Variants in ACTN1 observed in about 807,000 individuals in gnomAD.
ACTN1 encodes the protein actinin alpha 1.
Under a neutral mutation model 119.6 loss-of-function variants are expected in ACTN1, and 30 were observed. That is an observed-to-expected ratio of 0.25 (90% CI 0.19 to 0.34). The LOEUF is 0.34. Among genes scored for constraint, ACTN1 ranks in the 10% least tolerant of loss-of-function variants. The probability of loss-of-function intolerance (pLI) is 1.00; values close to 1 mark genes in which losing one functional copy is unlikely to be tolerated. For missense variants in ACTN1, 764 were observed against 1,223.4 expected (o/e 0.62, Z 5.60); for synonymous variants, 429 against 472.6 (o/e 0.91, Z 1.20).
chr14:68,975,320 C>T (rs2037025473), intron 1 of ACTN1, among the ~76,000 whole-genome samples: 2 of 152,342 alleles, frequency 1.3e-5, no homozygotes, highest in East Asian at 3.9e-4. Flanking sequence ...TGTGGAAACA[C>T]ACATTAAACC....
At chr14:68,896,709 C>T (rs1336439347) in intron 8 of ACTN1, among the ~76,000 whole-genome samples, 1 of 152,118 alleles carries the variant, frequency 6.6e-6, no homozygotes, top group Admixed American at 6.5e-5. Context: ...AGAAGAGAAC[C>T]CCGGGAGAGA....
rs1466438576 is a variant in ACTN1, at chr14:68,874,398, T to C, written c.*461A>G. 1 of 153,446 alleles carries C rather than the reference T, an allele frequency of 6.5e-6. No individual in the cohort carries two copies. The highest frequency in any genetic ancestry group is 1.5e-5 in the Non-Finnish European group (1 of 68,728). 9.5% of individuals were successfully genotyped at this position (153,446 alleles called of 1,614,324 possible). A position where few individuals can be genotyped will look rare whatever the true frequency, so the allele number is the denominator to read the frequency against. On this transcript the variant is annotated 3_prime_UTR_variant, in exon 22 of 22. Coordinates refer to ENST00000394419, the MANE Select transcript of ACTN1 (RefSeq NM_001130004.2). ...GCAAACACACATGCACCAATGTGCC[T>C]TTTGACAAGAGTACCCCCTACCCCG...
rs2032690090 is a variant in ACTN1 at position 68,893,830 on chromosome 14, T to C, written c.763-83A>G. 3.0e-6 allele frequency: 4 copies of C among 1,332,744 alleles called. No homozygotes were observed. In the Admixed American group the frequency reaches 7.2e-5, roughly 24 times the overall value. The allele number at this position is 1,332,744 out of a possible 1,614,324, so 82.6% of individuals were successfully genotyped here. On this transcript the variant is annotated intron_variant, in intron 8 of 21. Transcript: ENST00000394419. ...TACACACCTGTGCTGACAAAGCCCCTCCCATCCCTGCAGCTCCCTGTGGTT... is the reference window on the plus strand; with the variant it reads ...TACACACCTGTGCTGACAAAGCCCCCCCCATCCCTGCAGCTCCCTGTGGTT...
chr14:68,901,766 CCT>C (rs559166788), intron 8 of ACTN1, among the ~76,000 whole-genome samples: 17 of 152,290 alleles, frequency 1.1e-4, no homozygotes, highest in Non-Finnish European at 2.2e-4. Context: ...TCGTGGAACC[CCT>C]GTGTGGTGCA....
intron 11 of ACTN1, among the ~76,000 whole-genome samples, chr14:68,889,692 G>A (rs2032321715): frequency 6.6e-6 from 1 of 152,204 alleles, no homozygotes; most frequent in Admixed American, 6.5e-5. Context: ...GCTAGGGCAG[G>A]AGAATCACTT....
chr14:68,935,625 A>G (rs2035466219), intron 1 of ACTN1, among the ~76,000 whole-genome samples: 1 of 151,438 alleles, frequency 6.6e-6, no homozygotes, highest in Non-Finnish European at 1.5e-5. Flanking sequence ...ACCTCAAGCG[A>G]TCTGTCCACC....
intron 10 of ACTN1, 53 bp from the exon 11 acceptor site, chr14:68,890,339 G>A: frequency 1.2e-6 from 2 of 1,601,698 alleles, no homozygotes; most frequent in South Asian, 1.1e-5. Context: ...TAGGCTTCAG[G>A]TCCCCTAGCC....
chr14:68,929,194 C>T (rs1032148254), intron 1 of ACTN1, among the ~76,000 whole-genome samples: 3 of 152,050 alleles, frequency 2.0e-5, no homozygotes, highest in African/African-American at 4.8e-5. Context: ...GACAGCTGAA[C>T]GCACACCATA....
intron 1 of ACTN1, among the ~76,000 whole-genome samples, chr14:68,965,167 G>A (rs1472564569): frequency 6.6e-6 from 1 of 152,194 alleles, no homozygotes; most frequent in Non-Finnish European, 1.5e-5. Context: ...ATGAACTCAT[G>A]GCAGACTGTC....
Position 68,969,591 on chromosome 14 carries a change from A to C in ACTN1, c.105+9361T>G, listed in dbSNP as rs532859032. 6.6e-5 allele frequency among the ~76,000 whole-genome samples: 10 copies of C among 152,360 alleles called. No homozygotes were observed. The South Asian group carries it at 1.4e-3, about 22-fold the overall frequency. On this transcript the variant is annotated intron_variant, in intron 1 of 21. Transcript: ENST00000394419. ...AACAACAGAGGGGCTTCTTGGAGCC[A>C]GAGAGACACATGCAGCCAAACGCTG... is the stretch of plus-strand genomic sequence containing the variant.
At chr14:68,968,159 G>A (rs2036764643) in intron 1 of ACTN1, among the ~76,000 whole-genome samples, 1 of 152,226 alleles carries the variant, frequency 6.6e-6, no homozygotes, top group Non-Finnish European at 1.5e-5. Flanking sequence ...ACACGTGTGG[G>A]TGGAAAGAGA....
chr14:68,909,392 T>A lies in ACTN1; in HGVS notation c.520A>T (p.Lys174Ter). The A allele has an allele frequency of 1.2e-6, 2 of 1,613,842 alleles. No homozygotes were observed. The highest frequency in any genetic ancestry group is 1.7e-6 in the Non-Finnish European group (2 of 1,179,950). Residue 174 changes from lysine (K) to a stop codon, truncating the protein, a stop_gained, in exon 6 of 22, where the codon AAG (lysine) becomes TAG (stop). Coordinates refer to ENST00000394419, the MANE Select transcript of ACTN1 (RefSeq NM_001130004.2). LOFTEE classifies it high-confidence loss of function. The surrounding 1 kb of genome is among the most constrained non-coding windows in gnomAD (Gnocchi z 4.1). ...AAAGCACAGAAGCCGAGGCCATCCT[T>A]CCAGCTGCCCGGGGAGAGAGAAGAA... is the stretch of plus-strand genomic sequence containing the variant. ...VNIQNFHISWKDGLGFCALIH... is the reference protein window; with the variant it reads ...VNIQNFHISW
chr14:68,881,960 G>C (rs1268165916), intron 16 of ACTN1, among the ~76,000 whole-genome samples: 3 of 34,334 alleles, frequency 8.7e-5, no homozygotes, highest in Admixed American at 3.9e-4. Flanking sequence ...TTTTTTGACA[G>C]AGTCTTGCTC....
At chr14:68,971,783 C>T (rs2036894526) in intron 1 of ACTN1, among the ~76,000 whole-genome samples, 1 of 152,224 alleles carries the variant, frequency 6.6e-6, no homozygotes, top group Non-Finnish European at 1.5e-5. Context: ...ATCCCCACCC[C>T]AGAAGTAGCC....
intron 1 of ACTN1, among the ~76,000 whole-genome samples, chr14:68,931,185 G>A (rs1169938883): frequency 6.6e-6 from 1 of 152,234 alleles, no homozygotes; most frequent in Admixed American, 6.5e-5. Context: ...GGGTATCACT[G>A]AAAATGGGTC....
Position 68,879,895 on chromosome 14 carries a change from G to GC in ACTN1, c.2280+66_2280+67insG. 1 of 1,570,970 alleles carries GC rather than the reference G, an allele frequency of 6.4e-7. No individual in the cohort carries two copies. The highest frequency in any genetic ancestry group is 8.7e-7 in the Non-Finnish European group (1 of 1,153,740). On this transcript the variant is annotated intron_variant, in intron 18 of 21. Transcript: ENST00000394419. This position sits in a 1 kb window ranked among gnomAD's most constrained non-coding sequence, Gnocchi z 4.9. ...GCATGGCAGCCCACGTCCCGGGGAAGTGCCCTCCAGGGCCCTGGGGCAGGG... is the reference window on the plus strand; with the variant it reads ...GCATGGCAGCCCACGTCCCGGGGAAGCTGCCCTCCAGGGCCCTGGGGCAGGG...
intron 10 of ACTN1, among the ~76,000 whole-genome samples, 182 bp downstream of exon 10, chr14:68,891,871 C>T (rs975927566): frequency 2.6e-5 from 4 of 152,070 alleles, no homozygotes; most frequent in Admixed American, 6.5e-5. Flanking sequence ...CCCACATGGC[C>T]GAGTTTGGGA....
chr14:68,968,057 T>C (rs1403030263), intron 1 of ACTN1, among the ~76,000 whole-genome samples: 1 of 152,166 alleles, frequency 6.6e-6, no homozygotes, highest in Non-Finnish European at 1.5e-5. Context: ...CAACGTGGCA[T>C]AGGTCCCTAG....
chr14:68,945,719 C>A (rs996889268), intron 1 of ACTN1, among the ~76,000 whole-genome samples: 2 of 152,202 alleles, frequency 1.3e-5, no homozygotes, highest in Admixed American at 1.3e-4. Context: ...CCTGAGCCAA[C>A]AGAAGGAGGA....
Sources: allele counts gnomAD v4.1 joint callset (sites outside exome capture counted in the v4.1 genomes callset), GRCh38; gene constraint gnomAD v4.1.1; non-coding constraint Gnocchi (gnomAD v3.1); transcripts MANE v1.5; gene names NCBI Gene and HGNC (gene_info 2026-07-23, HGNC 2026-07-21).